TENM2: variants seen among roughly 807,000 people sequenced by gnomAD.
The protein encoded by TENM2 is teneurin-2.
Under a neutral mutation model 245.2 loss-of-function variants are expected in TENM2, and 52 were observed. That is an observed-to-expected ratio of 0.21 (90% confidence interval 0.17 to 0.27). The LOEUF (loss-of-function observed/expected upper bound fraction) is 0.27, where lower values mean the gene tolerates loss of function less well. TENM2 is among the 10% of genes least tolerant of loss of function. TENM2 has a pLI of 1.00. For missense variants in TENM2, 3,046 were observed against 3,666.8 expected (o/e 0.83, Z 4.37); for synonymous variants, 1,363 against 1,438.9 (o/e 0.95, Z 1.19).
intron 2 of TENM2, among the ~76,000 whole-genome samples, chr5:167,783,534 C>T (rs917492311): frequency 2.6e-5 from 4 of 152,208 alleles, no homozygotes; most frequent in Non-Finnish European, 4.4e-5. Context: ...TTAGATGCCA[C>T]GGCAGTGTGC....
chr5:167,164,019 G>A, the TENM2 span, among the ~76,000 whole-genome samples: 4 of 152,132 alleles, frequency 2.6e-5, no homozygotes, highest in African/African-American at 4.8e-5. Flanking sequence ...ACTTTAGTGC[G>A]TGAGTGCAAT....
chr5:167,043,819 C>T, the TENM2 span, among the ~76,000 whole-genome samples: 2 of 152,044 alleles, frequency 1.3e-5, no homozygotes, highest in African/African-American at 2.4e-5. Context: ...GTCAAGTGAT[C>T]GAGACCATCC....
chr5:167,814,778 GA>G (rs1766917895), intron 2 of TENM2, among the ~76,000 whole-genome samples: 1 of 151,876 alleles, frequency 6.6e-6, no homozygotes, highest in Admixed American at 6.6e-5. Context: ...AAGATGAAAC[GA>G]AAGTCAGAAA....
intron 2 of TENM2, among the ~76,000 whole-genome samples, chr5:167,791,152 C>G (rs1764927655): frequency 6.6e-6 from 1 of 152,164 alleles, no homozygotes; most frequent in Non-Finnish European, 1.5e-5. Flanking sequence ...ATTTATCTAG[C>G]AAAGCACTAT....
chr5:167,366,421 A>G (rs1014040571), intron 1 of TENM2, among the ~76,000 whole-genome samples: 1 of 152,138 alleles, frequency 6.6e-6, no homozygotes, highest in African/African-American at 2.4e-5. Flanking sequence ...TAATAGCTAC[A>G]TTTGTTTTTT....
chr5:167,470,454 C>CTTTTTGTTTTTTTTTTTTT (rs1766941067), intron 2 of TENM2, among the ~76,000 whole-genome samples: 1 of 47,394 alleles, frequency 2.1e-5, no homozygotes, highest in Non-Finnish European at 3.6e-5. Context: ...GCAATGCTTG[C>CTTTTTGTTTTTTTTTTTTT]TTTTTTTTTT....
intron 2 of TENM2, among the ~76,000 whole-genome samples, chr5:167,396,746 G>A (rs900614531): frequency 6.6e-6 from 1 of 152,168 alleles, no homozygotes; most frequent in Non-Finnish European, 1.5e-5. Flanking sequence ...GCGAGACCAT[G>A]AAATGAGCAT....
At chr5:168,080,984 C>T (rs1016637451) in intron 7 of TENM2, among the ~76,000 whole-genome samples, 3 of 152,078 alleles carry the variant, frequency 2.0e-5, no homozygotes, top group Non-Finnish European at 2.9e-5. Context: ...CCTGGATATC[C>T]TTGTTAACTT....
intron 2 of TENM2, among the ~76,000 whole-genome samples, chr5:167,474,441 C>G (rs1300908553): frequency 5.3e-5 from 8 of 152,034 alleles, no homozygotes; most frequent in Non-Finnish European, 8.8e-5. Flanking sequence ...ACAACTCTTA[C>G]TTTTCCCATT....
intron 17 of TENM2, 129 bp downstream of exon 19, chr5:168,200,260 C>A: frequency 2.5e-6 from 2 of 802,154 alleles, no homozygotes; most frequent in Non-Finnish European, 3.9e-6. Context: ...GCCAAGAAGA[C>A]AGACAAGATT....
At chr5:167,271,463 G>A in the TENM2 span, among the ~76,000 whole-genome samples, 1 of 152,056 alleles carries the variant, frequency 6.6e-6, no homozygotes, top group Non-Finnish European at 1.5e-5. Context: ...GGGAAAAAAG[G>A]CATGGAATTA....
chr5:167,431,951 A>G (rs950069669), intron 2 of TENM2, among the ~76,000 whole-genome samples: 864 of 39,028 alleles, frequency 0.022, 18 homozygotes, highest in African/African-American at 0.04. Flanking sequence ...ATATATATGT[A>G]TATATATATG....
chr5:167,569,033 T>A (rs1168837329), intron 2 of TENM2, among the ~76,000 whole-genome samples: 1 of 141,578 alleles, frequency 7.1e-6, no homozygotes, highest in Non-Finnish European at 1.5e-5. Flanking sequence ...AGAATGTAAA[T>A]GCCAAGTATG....
intron 1 of TENM2, among the ~76,000 whole-genome samples, chr5:167,340,224 C>T (rs1758014839): frequency 6.6e-6 from 1 of 152,124 alleles, no homozygotes; most frequent in Admixed American, 6.5e-5. Flanking sequence ...TTCTATAATG[C>T]ACCTCAAAGT....
chr5:168,113,359 T>C (rs1181497805), intron 9 of TENM2, among the ~76,000 whole-genome samples: 1 of 152,114 alleles, frequency 6.6e-6, no homozygotes, highest in Non-Finnish European at 1.5e-5. Flanking sequence ...ATGAAATAAG[T>C]ATAAAACAGA....
At chr5:168,052,991 T>G (rs1441662100) in intron 6 of TENM2, among the ~76,000 whole-genome samples, 1 of 152,100 alleles carries the variant, frequency 6.6e-6, no homozygotes, top group Non-Finnish European at 1.5e-5. Context: ...AGCAGGGAGG[T>G]TCGTAAATTC....
the TENM2 span, among the ~76,000 whole-genome samples, chr5:167,092,695 A>G: frequency 6.6e-6 from 1 of 152,184 alleles, no homozygotes; most frequent in Non-Finnish European, 1.5e-5. Flanking sequence ...TGGTGAAGCC[A>G]GGATTTAGAA....
intron 2 of TENM2, among the ~76,000 whole-genome samples, chr5:167,475,646 G>A (rs1159375648): frequency 1.3e-5 from 2 of 151,272 alleles, no homozygotes; most frequent in Non-Finnish European, 2.9e-5. Context: ...CCTTCCCCTT[G>A]CCCCACCCTG....
At chr5:167,580,790 A>C (rs1003031879) in intron 2 of TENM2, among the ~76,000 whole-genome samples, 1 of 152,194 alleles carries the variant, frequency 6.6e-6, no homozygotes, top group Non-Finnish European at 1.5e-5. Context: ...AGGAATTGAG[A>C]CCAGCCTGGC....
Sources: allele counts gnomAD v4.1 joint callset (sites outside exome capture counted in the v4.1 genomes callset), GRCh38; gene constraint gnomAD v4.1.1; transcripts MANE v1.5; gene names NCBI Gene and HGNC (gene_info 2026-07-23, HGNC 2026-07-21).